DLG2: variants seen among roughly 807,000 people sequenced by gnomAD.
DLG2 encodes discs large MAGUK scaffold protein 2, also known as disks large homolog 2.
In DLG2, 45 loss-of-function variants were observed where a neutral mutation model predicts 132.5. That is an observed-to-expected ratio of 0.34 (90% CI 0.27 to 0.44). The LOEUF is 0.44. DLG2 is among the 20% of genes least tolerant of loss of function. The pLI, the probability that DLG2 is intolerant of heterozygous loss-of-function variation, is 1.00. For synonymous variants in DLG2, 424 were observed against 419.6 expected, an observed-to-expected ratio of 1.01 and a Z score of -0.13; for missense variants, 1,045 against 1,196.9, an observed-to-expected ratio of 0.87 and a Z score of 1.87.
intron 7 of DLG2, among the ~76,000 whole-genome samples, chr11:84,477,151 A>G (rs982926816): frequency 1.3e-5 from 2 of 152,122 alleles, no homozygotes; most frequent in African/African-American, 4.8e-5. Context: ...TCTGAGTAGA[A>G]CCACAACTTT....
At chr11:83,917,471 T>G (rs2154117534) in intron 15 of DLG2, among the ~76,000 whole-genome samples, 1 of 152,302 alleles carries the variant, frequency 6.6e-6, no homozygotes, top group East Asian at 1.9e-4. Flanking sequence ...TGAAAAAGAC[T>G]TTAACAAAAA....
chr11:83,708,758 C>CT (rs5793085), intron 18 of DLG2, among the ~76,000 whole-genome samples: 13,990 of 151,654 alleles, frequency 0.092, 793 homozygotes, highest in Non-Finnish European at 0.13. Flanking sequence ...TTTTGGAATC[C>CT]TTTTTTTTAA....
intron 2 of DLG2, among the ~76,000 whole-genome samples, chr11:85,606,590 A>G (rs758612240): frequency 2.0e-5 from 3 of 152,180 alleles, no homozygotes; most frequent in African/African-American, 4.8e-5. Flanking sequence ...GAATAAAAGC[A>G]GGCCACCTGA....
At chr11:84,691,857 C>A (rs2058083068) in intron 6 of DLG2, among the ~76,000 whole-genome samples, 1 of 151,614 alleles carries the variant, frequency 6.6e-6, no homozygotes, top group Admixed American at 6.6e-5. Context: ...TCATTCAATA[C>A]TTTACTCTTG....
At chr11:85,188,704 C>T (rs976041676) in intron 4 of DLG2, among the ~76,000 whole-genome samples, 2 of 152,096 alleles carry the variant, frequency 1.3e-5, no homozygotes, top group African/African-American at 4.8e-5. Context: ...TGAAGTATAA[C>T]ATTTAATAAC....
At chr11:84,662,960 T>C (rs1259510108) in intron 6 of DLG2, among the ~76,000 whole-genome samples, 1 of 152,012 alleles carries the variant, frequency 6.6e-6, no homozygotes, top group Admixed American at 6.6e-5. Flanking sequence ...AATTAAGCCC[T>C]GAGAGGAAAA....
chr11:84,567,773 C>A (rs541131493), intron 6 of DLG2, among the ~76,000 whole-genome samples: 1 of 152,162 alleles, frequency 6.6e-6, no homozygotes, highest in Non-Finnish European at 1.5e-5. Flanking sequence ...TTCCTCCTTA[C>A]GGAAAGTTCA....
intron 3 of DLG2, among the ~76,000 whole-genome samples, chr11:85,303,033 C>T (rs1220763118): frequency 6.6e-6 from 1 of 152,192 alleles, no homozygotes; most frequent in African/African-American, 2.4e-5. Context: ...AGGATTCTAA[C>T]CCAGATTTGT....
intron 3 of DLG2, among the ~76,000 whole-genome samples, chr11:85,541,783 T>G (rs2075992178): frequency 6.6e-6 from 1 of 152,194 alleles, no homozygotes; most frequent in Non-Finnish European, 1.5e-5. Context: ...TTTTTACTCC[T>G]CTGCCTCCCT....
chr11:83,578,062 A>G (rs2096910891), intron 19 of DLG2, among the ~76,000 whole-genome samples: 1 of 109,640 alleles, frequency 9.1e-6, no homozygotes, highest in Non-Finnish European at 1.8e-5. Flanking sequence ...GTGTGTATAC[A>G]TATATATATG....
At chr11:85,174,342 G>A (rs1160391296) in intron 4 of DLG2, among the ~76,000 whole-genome samples, 1 of 152,136 alleles carries the variant, frequency 6.6e-6, no homozygotes, top group Non-Finnish European at 1.5e-5. Flanking sequence ...CGACTACATG[G>A]AAATTGAACA....
At chr11:83,564,256 T>C (rs2143000205) in intron 19 of DLG2, among the ~76,000 whole-genome samples, 1 of 152,260 alleles carries the variant, frequency 6.6e-6, no homozygotes, top group South Asian at 2.1e-4. Flanking sequence ...TTTAGAAAAA[T>C]GTTAAATTCA....
chr11:84,953,293 T>G (rs1051561819), intron 6 of DLG2, among the ~76,000 whole-genome samples: 2 of 152,198 alleles, frequency 1.3e-5, no homozygotes, highest in Non-Finnish European at 1.5e-5. Flanking sequence ...CAGCCATATC[T>G]TCTGCTAAAA....
At chr11:84,301,324 A>G (rs1034790059) in intron 7 of DLG2, among the ~76,000 whole-genome samples, 8 of 152,142 alleles carry the variant, frequency 5.3e-5, no homozygotes, top group Non-Finnish European at 7.4e-5. Context: ...CAAAACCACA[A>G]TGAGATACCA....
chr11:84,639,061 C>T (rs764058987), intron 6 of DLG2, among the ~76,000 whole-genome samples: 1 of 152,156 alleles, frequency 6.6e-6, no homozygotes, highest in African/African-American at 2.4e-5. Context: ...AGGTCTTTAG[C>T]TCTCTTTAAC....
chr11:84,583,032 A>G (rs1177825664), intron 6 of DLG2, among the ~76,000 whole-genome samples: 2 of 152,202 alleles, frequency 1.3e-5, no homozygotes, highest in South Asian at 4.1e-4. Context: ...AAAGAAAGTA[A>G]TAAGAACTTC....
intron 6 of DLG2, among the ~76,000 whole-genome samples, chr11:84,607,018 C>G (rs1480461218): frequency 2.6e-5 from 4 of 152,052 alleles, no homozygotes; most frequent in Non-Finnish European, 4.4e-5. Context: ...TTCTCCATAT[C>G]CAGGATCCAA....
At chr11:83,954,368 G>A (rs1349650119) in intron 14 of DLG2, among the ~76,000 whole-genome samples, 2 of 151,998 alleles carry the variant, frequency 1.3e-5, no homozygotes, top group Non-Finnish European at 2.9e-5. Context: ...GTTTTGTGTG[G>A]TCAGTTTTCT....
At position 83,560,118 on chromosome 11, in the gene DLG2, C is replaced by CT. The variant is rs66687028; in HGVS notation, c.1941-18261dup. ...GGGGAAGGATGGGGGCTGAACTTTG[C>CT]TTTTTTTTTTTTTCTTCTTGAGACG... On this transcript the variant is annotated intron_variant, in intron 19 of 27. Transcript: ENST00000376104. 5.2e-3 allele frequency among the ~76,000 whole-genome samples: 749 copies of CT among 143,548 alleles called. 4 individuals are homozygous for CT. The highest frequency in any genetic ancestry group is 5.0e-3 in the African/African-American group (197 of 39,378). The allele number at this position is 143,548 out of a possible 152,430, so 94.2% of individuals were successfully genotyped here.
Sources: gnomAD v4.1 joint callset for allele counts (sites outside exome capture counted in the v4.1 genomes callset) on GRCh38, gnomAD v4.1.1 for gene constraint, MANE v1.5 for transcripts, NCBI Gene and HGNC (gene_info 2026-07-23, HGNC 2026-07-21) for gene names.